The following NOL4 variants were observed in gnomAD, a reference collection of about 807,000 sequenced individuals.
The protein encoded by NOL4 is cancer/testis antigen 125.
NOL4 carries 17 observed loss-of-function variants against 75.9 expected under a neutral mutation model. The ratio of observed to expected loss-of-function variants is 0.22; its 90% confidence interval spans 0.15 to 0.34. The LOEUF is 0.34. Ranked by LOEUF, NOL4 falls within the 10% of genes least tolerant of loss-of-function variation. NOL4 has a pLI of 1.00. For missense variants in NOL4, 614 were observed against 793.5 expected (o/e 0.77, Z 2.72); for synonymous variants, 292 against 289.9 (o/e 1.01, Z -0.07).
chr18:33,958,198 TG>T, intron 7 of NOL4, 40 bp downstream of exon 7: 1 of 1,517,232 alleles, frequency 6.6e-7, no homozygotes, highest in Non-Finnish European at 9.0e-7. Context: ...GAAAGTGAAG[TG>T]GTAAAAATTA....
At chr18:33,870,371 T>C (rs930570238) in intron 10 of NOL4, among the ~76,000 whole-genome samples, 2 of 151,954 alleles carry the variant, frequency 1.3e-5, no homozygotes, top group Non-Finnish European at 1.5e-5. Context: ...GTGGAGATGT[T>C]GGCAAAAGAG....
At chr18:33,867,265 T>C (rs951142586) in intron 10 of NOL4, among the ~76,000 whole-genome samples, 1 of 152,156 alleles carries the variant, frequency 6.6e-6, no homozygotes, top group Non-Finnish European at 1.5e-5. Flanking sequence ...GTATATTAAA[T>C]GAGATTTCAT....
intron 6 of NOL4, among the ~76,000 whole-genome samples, chr18:33,960,850 G>T (rs1341642659): frequency 6.6e-6 from 1 of 151,996 alleles, no homozygotes; most frequent in East Asian, 1.9e-4. Flanking sequence ...AATTCCTAAG[G>T]CACTGTATTT....
intron 1 of NOL4, among the ~76,000 whole-genome samples, chr18:34,219,909 A>T (rs1172700697): frequency 6.6e-6 from 1 of 152,242 alleles, no homozygotes; most frequent in Non-Finnish European, 1.5e-5. Flanking sequence ...TATCTACTCC[A>T]TCAAAAAGCA....
intron 9 of NOL4, among the ~76,000 whole-genome samples, chr18:33,933,204 A>C (rs1394027408): frequency 6.6e-6 from 1 of 152,174 alleles, no homozygotes; most frequent in Non-Finnish European, 1.5e-5. Context: ...CATTTGTCTA[A>C]AACAAAACCA....
chr18:34,094,301 T>A (rs1027698591), intron 4 of NOL4, among the ~76,000 whole-genome samples: 4 of 152,192 alleles, frequency 2.6e-5, no homozygotes, highest in Admixed American at 2.6e-4. Context: ...GATTCTAATA[T>A]AGCCAACTTA....
At chr18:34,139,891 T>C (rs2081068524) in intron 1 of NOL4, among the ~76,000 whole-genome samples, 1 of 152,200 alleles carries the variant, frequency 6.6e-6, no homozygotes. Flanking sequence ...TTTGTTCTCA[T>C]TGGTTTCCAA....
chr18:34,069,724 C>CA (rs2077429675), intron 5 of NOL4, among the ~76,000 whole-genome samples: 1 of 152,172 alleles, frequency 6.6e-6, no homozygotes, highest in Non-Finnish European at 1.5e-5. Context: ...CCATTATCCA[C>CA]AGTAACCCGC....
chr18:34,101,814 T>TA (rs1173818040), intron 4 of NOL4, among the ~76,000 whole-genome samples: 1 of 152,064 alleles, frequency 6.6e-6, no homozygotes, highest in Non-Finnish European at 1.5e-5. Flanking sequence ...TGTTAAAATA[T>TA]AAATCAGATC....
At chr18:34,170,710 T>C (rs1292771023) in intron 1 of NOL4, among the ~76,000 whole-genome samples, 1 of 152,174 alleles carries the variant, frequency 6.6e-6, no homozygotes, top group Non-Finnish European at 1.5e-5. Flanking sequence ...GGTGTAGCCA[T>C]TTTTAATAGA....
chr18:34,032,253 C>A (rs1237017999), intron 5 of NOL4, among the ~76,000 whole-genome samples: 1 of 152,140 alleles, frequency 6.6e-6, no homozygotes, highest in Non-Finnish European at 1.5e-5. Flanking sequence ...GTAGCACCAC[C>A]CTATCCAGTA....
intron 2 of NOL4, among the ~76,000 whole-genome samples, chr18:34,119,216 A>C (rs1335239074): frequency 6.6e-5 from 10 of 152,158 alleles, no homozygotes; most frequent in Admixed American, 6.5e-4. Context: ...TTTGCTTCGG[A>C]ATCCTAACTA....
At chr18:34,015,145 G>C (rs956214157) in intron 6 of NOL4, among the ~76,000 whole-genome samples, 3 of 151,972 alleles carry the variant, frequency 2.0e-5, no homozygotes, top group Non-Finnish European at 4.4e-5. Flanking sequence ...TCATAGCCTT[G>C]GGGTAAAGCA....
chr18:34,040,160 C>T (rs562809323), intron 5 of NOL4, among the ~76,000 whole-genome samples: 4 of 152,006 alleles, frequency 2.6e-5, no homozygotes, highest in South Asian at 2.1e-4. Flanking sequence ...TTAATAAAAA[C>T]GATCGATTGA....
intron 5 of NOL4, among the ~76,000 whole-genome samples, chr18:34,068,418 TGAGACAGAGTCTCA>T (rs1181216408): frequency 6.6e-6 from 1 of 152,172 alleles, no homozygotes; most frequent in Admixed American, 6.5e-5. Context: ...TTTATTTTTT[TGAGACAGAGTCTCA>T]CTCCGTCGCC....
In NOL4 at chr18:34,031,458, C is replaced by T. The variant is rs149221002; in HGVS notation, c.773-11857G>A. 2.6e-4 allele frequency among the ~76,000 whole-genome samples: 40 copies of T among 152,274 alleles called. 1 individual carries two copies. In the East Asian group the frequency reaches 7.2e-3, roughly 27 times the overall value. Reference sequence around the variant, plus strand: ...TTTCCAAGTCCTGTACATATCTTGTCACTGATATGTACCAGCAGTTGTCAC... The same window carrying T: ...TTTCCAAGTCCTGTACATATCTTGTTACTGATATGTACCAGCAGTTGTCAC... On this transcript the variant is annotated intron_variant, in intron 5 of 10. Coordinates refer to ENST00000261592, the MANE Select transcript of NOL4 (RefSeq NM_003787.5).
At chr18:34,191,520 T>G (rs1271322083) in intron 1 of NOL4, among the ~76,000 whole-genome samples, 1 of 152,138 alleles carries the variant, frequency 6.6e-6, no homozygotes, top group Non-Finnish European at 1.5e-5. Flanking sequence ...AATTCCCAAT[T>G]TTATCCTTTG....
chr18:34,123,841 T>G (rs2145861162), intron 2 of NOL4, among the ~76,000 whole-genome samples: 1 of 151,496 alleles, frequency 6.6e-6, no homozygotes, highest in African/African-American at 2.4e-5. Flanking sequence ...CCTAACAAAA[T>G]TATCTGTAAA....
At chr18:34,048,435 T>TTACTGTGA in intron 5 of NOL4, 1 of 985,174 alleles carries the variant, frequency 1.0e-6, no homozygotes, top group Non-Finnish European at 1.2e-6. Flanking sequence ...GAGCTGACAC[T>TTACTGTGA]TACTGTGAAT....
Sources: gnomAD v4.1 joint callset for allele counts (sites outside exome capture counted in the v4.1 genomes callset) on GRCh38, gnomAD v4.1.1 for gene constraint, MANE v1.5 for transcripts, NCBI Gene and HGNC (gene_info 2026-07-23, HGNC 2026-07-21) for gene names.